Variants in TRAP1 observed in about 807,000 individuals in gnomAD.
The protein encoded by TRAP1 is TNF receptor associated protein 1.
Under a neutral mutation model 89.1 loss-of-function variants are expected in TRAP1, and 102 were observed. That is an observed-to-expected ratio of 1.15 (90% CI 0.98 to 1.35). The LOEUF (loss-of-function observed/expected upper bound fraction) is 1.35. Ranked by LOEUF, TRAP1 falls within the 40% of genes most tolerant of loss-of-function variation. TRAP1 has a pLI of 0.00. For missense variants in TRAP1, 1,256 were observed against 945.3 expected (o/e 1.33, Z -4.31); for synonymous variants, 508 against 388.0 (o/e 1.31, Z -3.64).
In TRAP1 at chr16:3,677,508, G is replaced by T; in HGVS notation, c.694C>A (p.Leu232Ile). The T allele has an allele frequency of 1.9e-6, 3 of 1,614,180 alleles. No individual in the cohort carries two copies. The highest frequency in any genetic ancestry group is 1.6e-4 in the Middle Eastern group (1 of 6,062). The change falls in exon 6 of 18, where the codon CTT becomes ATT. Residue 232 changes from leucine (L) to isoleucine (I), a missense_variant. Coordinates refer to ENST00000246957, the MANE Select transcript of TRAP1 (RefSeq NM_016292.3). ...ACATTCGTCACTCACCCATCTGAAA[G>T]CCACTGGTAACCCAGGCTCCCCGGG... is the stretch of plus-strand genomic sequence containing the variant. ...AAPGSLGYQW[L>I]SDGSGVFEIA...
intron 1 of TRAP1, among the ~76,000 whole-genome samples, chr16:3,709,577 C>T (rs2051498867): frequency 6.6e-6 from 1 of 152,172 alleles, no homozygotes; most frequent in Non-Finnish European, 1.5e-5. Context: ...AAACAAACCC[C>T]AGAATATAAG....
intron 1 of TRAP1, among the ~76,000 whole-genome samples, chr16:3,712,896 G>A (rs571193607): frequency 1.3e-3 from 200 of 152,250 alleles, no homozygotes; most frequent in Admixed American, 2.1e-3. Flanking sequence ...GATTACAGAC[G>A]AGAGCCACCG....
At chr16:3,673,568 T>C (rs1382097620) in intron 9 of TRAP1, among the ~76,000 whole-genome samples, 1 of 142,472 alleles carries the variant, frequency 7.0e-6, no homozygotes, top group Admixed American at 7.2e-5. Flanking sequence ...GGGGATCCGG[T>C]TAAAATGCGG....
At chr16:3,661,841 T>C in intron 16 of TRAP1, 146 bp downstream of exon 16, 2 of 1,118,148 alleles carry the variant, frequency 1.8e-6, no homozygotes. Flanking sequence ...GGGTGCAGCC[T>C]AAACTGCATA....
intron 15 of TRAP1, 30 bp downstream of exon 15, chr16:3,662,852 A>G (rs34157278): frequency 0.071 from 113,536 of 1,610,330 alleles, 4,837 homozygotes; most frequent in Non-Finnish European, 0.077. Context: ...ACTGCGGCCA[A>G]GTGGTGGTCC....
Position 3,674,757 on chromosome 16 carries a change from G to C in TRAP1, c.889-263C>G, listed in dbSNP as rs2050965307. The stretch of plus-strand genomic sequence containing the variant: ...CCGGGACCTGAGGGGGCCTGTGGGA[G>C]AGGATGACGCTGCCCAGCAGGGGCG... On this transcript the variant is annotated intron_variant, in intron 8 of 17. Coordinates refer to ENST00000246957, the MANE Select transcript of TRAP1 (RefSeq NM_016292.3). 1.1e-5 allele frequency: 6 copies of C among 530,278 alleles called. No individual in the cohort carries two copies. The East Asian group carries it at 1.6e-4, about 15-fold the overall frequency. The allele number at this position is 530,278 out of a possible 1,614,324, so 32.8% of individuals were successfully genotyped here.
At chr16:3,660,857 G>C (rs1451493059) in intron 16 of TRAP1, 1 of 152,150 alleles carries the variant, frequency 6.6e-6, no homozygotes, top group African/African-American at 2.4e-5. Context: ...CCAGGAGGTA[G>C]AAGTTGCAGT....
At chr16:3,686,689 G>A (rs996732287) in intron 3 of TRAP1, among the ~76,000 whole-genome samples, 1 of 152,160 alleles carries the variant, frequency 6.6e-6, no homozygotes, top group Non-Finnish European at 1.5e-5. Context: ...AGAGCCCTCT[G>A]GCTGGGGTTG....
chr16:3,676,583 C>T (rs1433295443), intron 6 of TRAP1: 1 of 155,472 alleles, frequency 6.4e-6, no homozygotes, highest in Non-Finnish European at 1.4e-5. Context: ...AATCCCCCGG[C>T]AGGGCCATGT....
intron 1 of TRAP1, among the ~76,000 whole-genome samples, chr16:3,699,312 T>C (rs2151276270): frequency 6.6e-6 from 1 of 152,310 alleles, no homozygotes; most frequent in South Asian, 2.1e-4. Flanking sequence ...ATGAGTTCAC[T>C]GCACTTAACT....
In TRAP1 at chr16:3,663,420, C is replaced by T. The variant is rs948130307; in HGVS notation, c.1708+4G>A. On this transcript the variant is annotated splice_donor_region_variant and intron_variant, in intron 14 of 17. Coordinates refer to ENST00000246957, the MANE Select transcript of TRAP1 (RefSeq NM_016292.3). ...CCCACGCCTAGAGAGCAGGGGATGC[C>T]GACCTGGGGACCTGTCCTCAAACTT... 1.2e-5 allele frequency: 19 copies of T among 1,613,896 alleles called. No individual in the cohort carries two copies. Among genetic ancestry groups the T allele is most frequent in the East Asian group, 8.9e-5 (4 of 44,882 alleles).
chr16:3,675,327 C>T lies in TRAP1; in HGVS notation c.885G>A (p.Leu295=). ...LYLNGRRMNT[L]QAIWMMDPKD... ...CCTAGAGGAACTCAGGGCTCACCTG[C>T]AAGGTGTTCATCCGCCTTCCATTCA... Residue 295 remains leucine, a synonymous_variant, in exon 8 of 18, where the codon TTG becomes TTA. Coordinates refer to ENST00000246957, the MANE Select transcript of TRAP1 (RefSeq NM_016292.3). 6.2e-7 allele frequency: 1 copy of T among 1,613,990 alleles called. No individual in the cohort carries two copies.
chr16:3,688,946 T>C lies in TRAP1; in HGVS notation c.330+109A>G, dbSNP rs1200576994. 3.9e-6 allele frequency: 4 copies of C among 1,018,166 alleles called. 1 individual carries two copies. Among genetic ancestry groups the C allele is most frequent in the South Asian group, 3.5e-5 (2 of 57,602 alleles). 63.1% of individuals were successfully genotyped at this position (1,018,166 alleles called of 1,614,324 possible). ...AGATGAGGACCTGTCCAAAGTTTAATGCTTTCTCACAGCTAATATATTATC... is the reference window on the plus strand; with the variant it reads ...AGATGAGGACCTGTCCAAAGTTTAACGCTTTCTCACAGCTAATATATTATC... On this transcript the variant is annotated intron_variant, in intron 3 of 17. Coordinates refer to ENST00000246957, the MANE Select transcript of TRAP1 (RefSeq NM_016292.3).
Position 3,690,949 on chromosome 16 carries a change from TG to T in TRAP1, c.124del (p.Gln42SerfsTer75). 1 of 1,573,896 alleles carries T rather than the reference TG, an allele frequency of 6.4e-7. No homozygotes were observed. Among genetic ancestry groups the T allele is most frequent in the Non-Finnish European group, 8.6e-7 (1 of 1,162,178 alleles). ...PILCPRRTTA[Q>X]LGPRRNPAWS... Reference sequence around the variant, plus strand: ...GGCTGGGTTTCGCCTGGGGCCCAACTGGGCTGTGGTCCTCCGAGGACACAGA... The same window carrying T: ...GGCTGGGTTTCGCCTGGGGCCCAACTGGCTGTGGTCCTCCGAGGACACAGA... On this transcript the variant is annotated frameshift_variant, in exon 2 of 18. Coordinates refer to ENST00000246957, the MANE Select transcript of TRAP1 (RefSeq NM_016292.3). LOFTEE classifies it high-confidence loss of function.
intron 11 of TRAP1, among the ~76,000 whole-genome samples, chr16:3,668,216 C>T (rs1358806529): frequency 1.3e-5 from 2 of 152,012 alleles, no homozygotes; most frequent in Non-Finnish European, 2.9e-5. Flanking sequence ...GCCATTGCGC[C>T]CAGCCTAATT....
At chr16:3,688,962 A>G in intron 3 of TRAP1, 93 bp downstream of exon 3, 1 of 1,174,040 alleles carries the variant, frequency 8.5e-7, no homozygotes, top group Non-Finnish European at 1.2e-6. Context: ...CTCACAGCTA[A>G]TATATTATCT....
chr16:3,709,243 A>AG (rs1306800657), intron 1 of TRAP1, among the ~76,000 whole-genome samples: 5 of 146,638 alleles, frequency 3.4e-5, no homozygotes, highest in Non-Finnish European at 7.6e-5. Context: ...AAAAAAAAAA[A>AG]AAAAGAAAAA....
intron 1 of TRAP1, among the ~76,000 whole-genome samples, chr16:3,692,668 G>A (rs1456340430): frequency 2.1e-5 from 3 of 141,342 alleles, no homozygotes; most frequent in East Asian, 4.2e-4. Flanking sequence ...GTGCAATCTC[G>A]GCTCATTGCA....
At chr16:3,692,867 A>G (rs1596735825) in intron 1 of TRAP1, among the ~76,000 whole-genome samples, 2 of 150,712 alleles carry the variant, frequency 1.3e-5, no homozygotes, top group South Asian at 4.2e-4. Context: ...CCAAAGTGCT[A>G]GGATTACAGG....
Sources: gnomAD v4.1 joint callset for allele counts (sites outside exome capture counted in the v4.1 genomes callset) on GRCh38, gnomAD v4.1.1 for gene constraint, MANE v1.5 for transcripts, NCBI Gene and HGNC (gene_info 2026-07-23, HGNC 2026-07-21) for gene names.